ZFAND3: variants seen among roughly 807,000 people sequenced by gnomAD.
ZFAND3 encodes AN1-type zinc finger protein 3.
A neutral mutation model predicts 29.6 loss-of-function variants in ZFAND3; 10 were observed. The observed-to-expected ratio is 0.34, with a 90% confidence interval of 0.21 to 0.57. The LOEUF is 0.57. ZFAND3 is among the 20% of genes least tolerant of loss of function. The pLI is 0.86. For missense variants in ZFAND3, 230 were observed against 304.5 expected, an observed-to-expected ratio of 0.76 and a Z score of 1.82; for synonymous variants, 128 against 112.6, an observed-to-expected ratio of 1.14 and a Z score of -0.87.
At chr6:37,883,682 CA>C (rs1390902298) in intron 1 of ZFAND3, among the ~76,000 whole-genome samples, 1 of 144,242 alleles carries the variant, frequency 6.9e-6, no homozygotes, top group Non-Finnish European at 1.5e-5. Context: ...GCTGGGATTA[CA>C]GGTGCCCGCC....
chr6:37,991,921 T>C lies in ZFAND3; in HGVS notation c.112+61922T>C, dbSNP rs1762766102. On this transcript the variant is annotated intron_variant, in intron 2 of 5. Coordinates refer to ENST00000287218, the MANE Select transcript of ZFAND3 (RefSeq NM_021943.3). Reference sequence around the variant, plus strand: ...CTTTTGTATTTGTTCAGGATTCTTTTGACATTTAACCCATTTGAAAATAAA... The same window carrying C: ...CTTTTGTATTTGTTCAGGATTCTTTCGACATTTAACCCATTTGAAAATAAA... Among the ~76,000 whole-genome samples, 3 of 152,230 alleles carry C rather than the reference T, an allele frequency of 2.0e-5. No individual in the cohort carries two copies. In the South Asian group the frequency reaches 6.2e-4, roughly 32 times the overall value.
intron 2 of ZFAND3, among the ~76,000 whole-genome samples, chr6:38,058,932 TGA>T (rs1764183165): frequency 6.6e-6 from 1 of 152,236 alleles, no homozygotes; most frequent in Non-Finnish European, 1.5e-5. Context: ...ATTCTTACGC[TGA>T]GAATATGTCA....
chr6:38,081,408 T>C (rs1294391842), intron 3 of ZFAND3, among the ~76,000 whole-genome samples: 7 of 152,174 alleles, frequency 4.6e-5, no homozygotes, highest in Non-Finnish European at 5.9e-5. Context: ...ATCTCGGCAC[T>C]ATACACTCTA....
intron 4 of ZFAND3, among the ~76,000 whole-genome samples, chr6:38,102,588 A>C (rs1237371775): frequency 1.3e-5 from 2 of 152,166 alleles, no homozygotes; most frequent in African/African-American, 4.8e-5. Flanking sequence ...TCTTCCCTCC[A>C]GACCTGTCCA....
chr6:37,967,168 C>T (rs865877896), intron 2 of ZFAND3, among the ~76,000 whole-genome samples: 10 of 152,090 alleles, frequency 6.6e-5, no homozygotes, highest in Middle Eastern at 3.2e-3. Flanking sequence ...TATTTTAAAA[C>T]TAGGTAAGTA....
intron 2 of ZFAND3, among the ~76,000 whole-genome samples, chr6:37,980,404 G>A (rs189124628): frequency 1.3e-5 from 2 of 152,232 alleles, no homozygotes; most frequent in East Asian, 3.9e-4. Context: ...AGCTGTTTGG[G>A]TAAAATCTCT....
At chr6:37,908,028 C>T (rs1335504869) in intron 1 of ZFAND3, among the ~76,000 whole-genome samples, 3 of 152,146 alleles carry the variant, frequency 2.0e-5, no homozygotes, top group African/African-American at 4.8e-5. Flanking sequence ...AAAATGTCTT[C>T]TGTAGTTCCC....
At chr6:38,097,744 C>T (rs1765011176) in intron 4 of ZFAND3, among the ~76,000 whole-genome samples, 1 of 152,032 alleles carries the variant, frequency 6.6e-6, no homozygotes, top group Non-Finnish European at 1.5e-5. Flanking sequence ...ACAGATGGTA[C>T]CTGACAATCT....
At chr6:37,992,236 CT>C (rs1475507990) in intron 2 of ZFAND3, among the ~76,000 whole-genome samples, 1 of 152,084 alleles carries the variant, frequency 6.6e-6, no homozygotes, top group African/African-American at 2.4e-5. Flanking sequence ...AATTTTTTGT[CT>C]TTGCTGCCCA....
At chr6:37,936,808 G>A (rs1383665466) in intron 2 of ZFAND3, among the ~76,000 whole-genome samples, 1 of 152,166 alleles carries the variant, frequency 6.6e-6, no homozygotes, top group East Asian at 1.9e-4. Context: ...GAAGTGGTTT[G>A]TTTCTTTCTG....
At chr6:38,138,453 G>C (rs2127494171) in intron 5 of ZFAND3, among the ~76,000 whole-genome samples, 1 of 151,870 alleles carries the variant, frequency 6.6e-6, no homozygotes, top group East Asian at 1.9e-4. Flanking sequence ...CCCTCCAACT[G>C]CTGGGAGGGG....
At chr6:38,080,936 A>G (rs943270844) in intron 3 of ZFAND3, among the ~76,000 whole-genome samples, 1 of 152,194 alleles carries the variant, frequency 6.6e-6, no homozygotes, top group African/African-American at 2.4e-5. Flanking sequence ...TGTTCAGTTG[A>G]AATTACTCTG....
intron 2 of ZFAND3, among the ~76,000 whole-genome samples, chr6:37,959,644 T>C (rs1430226181): frequency 1.3e-5 from 2 of 152,236 alleles, no homozygotes; most frequent in Non-Finnish European, 2.9e-5. Flanking sequence ...GTAGACATTA[T>C]TGGAACTTAC....
intron 1 of ZFAND3, among the ~76,000 whole-genome samples, chr6:37,895,217 A>G (rs966632212): frequency 4.6e-5 from 7 of 151,770 alleles, no homozygotes; most frequent in Admixed American, 2.6e-4. Context: ...TATTGTGACT[A>G]TTTACTGCTA....
At chr6:38,050,750 T>A (rs1764010667) in intron 2 of ZFAND3, among the ~76,000 whole-genome samples, 1 of 152,254 alleles carries the variant, frequency 6.6e-6, no homozygotes, top group African/African-American at 2.4e-5. Flanking sequence ...ACCCTGGGAC[T>A]ATAGGCGTGC....
intron 1 of ZFAND3, among the ~76,000 whole-genome samples, chr6:37,880,882 G>T (rs1366414933): frequency 1.9e-5 from 2 of 106,882 alleles, no homozygotes. Flanking sequence ...GAGGGGGGAG[G>T]GATAGCATTG....
At chr6:37,906,073 T>G (rs574898496) in intron 1 of ZFAND3, among the ~76,000 whole-genome samples, 1 of 152,276 alleles carries the variant, frequency 6.6e-6, no homozygotes, top group East Asian at 1.9e-4. Context: ...TTAAACCATT[T>G]TAACCATTTT....
chr6:37,976,584 C>CA (rs35783371), intron 2 of ZFAND3, among the ~76,000 whole-genome samples: 10,324 of 76,650 alleles, frequency 0.13, 619 homozygotes, highest in Non-Finnish European at 0.17. Flanking sequence ...ACACTGTCTC[C>CA]AAAAAAAAAA....
chr6:37,850,489 C>T (rs1764260899), intron 1 of ZFAND3, among the ~76,000 whole-genome samples: 2 of 152,116 alleles, frequency 1.3e-5, no homozygotes, highest in Non-Finnish European at 1.5e-5. Flanking sequence ...ACCACAAATA[C>T]GAAGGTGGTC....
Sources: gnomAD v4.1 joint callset for allele counts (sites outside exome capture counted in the v4.1 genomes callset) on GRCh38, gnomAD v4.1.1 for gene constraint, MANE v1.5 for transcripts, NCBI Gene and HGNC (gene_info 2026-07-23, HGNC 2026-07-21) for gene names.